The following SLC26A3 variants were observed in gnomAD, a reference collection of about 807,000 sequenced individuals.
SLC26A3 encodes the protein chloride anion exchanger.
A neutral mutation model predicts 85.6 loss-of-function variants in SLC26A3; 64 were observed. That is an observed-to-expected ratio of 0.75 (90% CI 0.61 to 0.92). The LOEUF (loss-of-function observed/expected upper bound fraction) is 0.92, where lower values mean the gene tolerates loss of function less well. Ranked by LOEUF, SLC26A3 falls within the 40% of genes least tolerant of loss-of-function variation. SLC26A3 has a pLI of 0.00. For missense variants in SLC26A3, 922 were observed against 927.3 expected (o/e 0.99, Z 0.07); for synonymous variants, 349 against 336.0 (o/e 1.04, Z -0.42).
intron 8 of SLC26A3, 102 bp downstream of exon 8, chr7:107,786,725 G>T: frequency 2.1e-6 from 2 of 958,928 alleles, no homozygotes; most frequent in Non-Finnish European, 3.4e-6. Context: ...TCTGATGAGG[G>T]TTACCTGCAG....
rs1287884774 is a variant in SLC26A3 at position 107,798,224 on chromosome 7, G to A, written c.-88-3627C>T. Among the ~76,000 whole-genome samples, 6 of 150,272 alleles carry A rather than the reference G, an allele frequency of 4.0e-5. No individual in the cohort carries two copies. In the East Asian group the frequency reaches 9.7e-4, roughly 24 times the overall value. On this transcript the variant is annotated intron_variant, in intron 1 of 20. Coordinates refer to ENST00000340010, the MANE Select transcript of SLC26A3 (RefSeq NM_000111.3). ...TTGGTGCTGTGGCTTAGTCATACAC[G>A]TTGTTGTTCTCTGCTTTTTTTTTTT... is the stretch of plus-strand genomic sequence containing the variant.
At chr7:107,781,433 C>A (rs1263088035) in intron 11 of SLC26A3, among the ~76,000 whole-genome samples, 1 of 152,086 alleles carries the variant, frequency 6.6e-6, no homozygotes, top group Admixed American at 6.6e-5. Flanking sequence ...TTGATTAAAT[C>A]TTGGACAAGA....
intron 18 of SLC26A3, 51 bp from the exon 19 acceptor site, chr7:107,767,959 C>G (rs368667815): frequency 1.3e-6 from 2 of 1,569,194 alleles, no homozygotes; most frequent in Admixed American, 3.4e-5. Flanking sequence ...GTTTGGCTAC[C>G]GGTTTCCCCT....
At chr7:107,766,915 C>G (rs984019552) in intron 20 of SLC26A3, among the ~76,000 whole-genome samples, 2 of 150,558 alleles carry the variant, frequency 1.3e-5, no homozygotes, top group Non-Finnish European at 3.0e-5. Flanking sequence ...AAGATATCTT[C>G]TTTGTATATT....
chr7:107,800,849 C>A (rs1194819205), intron 1 of SLC26A3, among the ~76,000 whole-genome samples: 2 of 152,202 alleles, frequency 1.3e-5, no homozygotes, highest in African/African-American at 4.8e-5. Context: ...TTGTGTTAGA[C>A]TTTAAAGAAC....
chr7:107,778,393 C>A (rs367909040), intron 12 of SLC26A3, 112 bp from the exon 13 acceptor site: 66 of 620,652 alleles, frequency 1.1e-4, no homozygotes, highest in Admixed American at 7.3e-4. Context: ...GACAGTGAGA[C>A]CTTGTCCCTA....
At position 107,787,399 on chromosome 7, in the gene SLC26A3, G is replaced by A; in HGVS notation, c.846C>T (p.Phe282=). 1 of 1,614,030 alleles carries A rather than the reference G, an allele frequency of 6.2e-7. No individual in the cohort carries two copies. Among genetic ancestry groups the A allele is most frequent in the South Asian group, 1.1e-5 (1 of 91,074 alleles). ...VSIVKEINQR[F]KDKLPVPIPI... ...GAATGGGCACTGGAAGTTTGTCTTT[G>A]AAGCGCTGATTTATTTCTTTAACAA... The change falls in exon 7 of 21, where the codon TTC becomes TTT. Residue 282 remains phenylalanine (F), a synonymous_variant. Coordinates refer to ENST00000340010, the MANE Select transcript of SLC26A3 (RefSeq NM_000111.3).
At position 107,793,780 on chromosome 7, in the gene SLC26A3, A is replaced by G. The variant is rs1402332826; in HGVS notation, c.233T>C (p.Val78Ala). ...CACAATCCCTGTGCTGATACCAGAA[A>G]CAATATCACTGAGCAACCATTCTTT... ...RLKEWLLSDIVSGISTGIVAV... is the reference protein window; with the variant it reads ...RLKEWLLSDIASGISTGIVAV... The change falls in exon 3 of 21, where the codon GTT (valine) becomes GCT (alanine). Residue 78 changes from valine to alanine, a missense_variant. By Grantham distance (64) the Val-to-Ala change is moderately conservative. Coordinates refer to ENST00000340010, the MANE Select transcript of SLC26A3 (RefSeq NM_000111.3). 1 of 1,614,154 alleles carries G rather than the reference A, an allele frequency of 6.2e-7. No individual in the cohort carries two copies. Among genetic ancestry groups the G allele is most frequent in the South Asian group, 1.1e-5 (1 of 91,084 alleles).
chr7:107,782,135 C>A (rs1227140020), intron 11 of SLC26A3, among the ~76,000 whole-genome samples: 1 of 152,150 alleles, frequency 6.6e-6, no homozygotes, highest in Non-Finnish European at 1.5e-5. Context: ...CATGTACCAC[C>A]TCAAAATTAT....
intron 17 of SLC26A3, 84 bp from the exon 18 acceptor site, chr7:107,772,192 C>G: frequency 1.3e-6 from 1 of 791,402 alleles, no homozygotes; most frequent in Non-Finnish European, 2.2e-6. Flanking sequence ...TTATACCTTA[C>G]GGGTGATATA....
intron 4 of SLC26A3, among the ~76,000 whole-genome samples, chr7:107,791,625 A>AAAATAAATAAAT (rs3076033): frequency 1.3e-4 from 19 of 149,344 alleles, no homozygotes; most frequent in Admixed American, 5.3e-4. Flanking sequence ...AAAATAAATA[A>AAAATAAATAAAT]AAATAAATAA....
At position 107,793,766 on chromosome 7, in the gene SLC26A3, T is replaced by C. The variant is rs778461830; in HGVS notation, c.247A>G (p.Thr83Ala). 1 of 1,614,080 alleles carries C rather than the reference T, an allele frequency of 6.2e-7. No homozygotes were observed. The highest frequency in any genetic ancestry group is 8.5e-7 in the Non-Finnish European group (1 of 1,179,972). Reference sequence around the variant, plus strand: ...CCTTGTAGTACGGCCACAATCCCTGTGCTGATACCAGAAACAATATCACTG... The same window carrying C: ...CCTTGTAGTACGGCCACAATCCCTGCGCTGATACCAGAAACAATATCACTG... Reference protein sequence around the residue: ...LLSDIVSGISTGIVAVLQGLA... With the variant: ...LLSDIVSGISAGIVAVLQGLA... The change falls in exon 3 of 21, where the codon ACA (threonine) becomes GCA (alanine). Residue 83 changes from threonine to alanine, a missense_variant. Physicochemically the swap from Thr to Ala is moderately conservative, Grantham distance 58 (BLOSUM62 0). Coordinates refer to ENST00000340010, the MANE Select transcript of SLC26A3 (RefSeq NM_000111.3).
At chr7:107,769,431 G>T (rs1388138697) in intron 18 of SLC26A3, among the ~76,000 whole-genome samples, 3 of 152,050 alleles carry the variant, frequency 2.0e-5, no homozygotes, top group African/African-American at 7.3e-5. Flanking sequence ...TCCTTTGCAG[G>T]TACATGGAGT....
chr7:107,786,023 A>G (rs1794288963), intron 8 of SLC26A3, among the ~76,000 whole-genome samples: 1 of 152,212 alleles, frequency 6.6e-6, no homozygotes, highest in Admixed American at 6.5e-5. Flanking sequence ...GTAATGAAAT[A>G]CATTTTAAAA....
rs893646478 is a variant in SLC26A3 at position 107,786,900 on chromosome 7, C to T, written c.898G>A (p.Ala300Thr). The change falls in exon 8 of 21, where the codon GCA becomes ACA. Residue 300 changes from alanine to threonine, a missense_variant. Ala to Thr is a moderately conservative substitution (Grantham distance 58). Coordinates refer to ENST00000340010, the MANE Select transcript of SLC26A3 (RefSeq NM_000111.3). ...IPIEFIMTVI[A>T]AGVSYGCDFK... ...TCACAGCCGTAGGATACACCTGCTGCAATCACGGTCTGCAAAGTTGCAAAT... is the reference window on the plus strand; with the variant it reads ...TCACAGCCGTAGGATACACCTGCTGTAATCACGGTCTGCAAAGTTGCAAAT... 3.7e-6 allele frequency: 6 copies of T among 1,613,896 alleles called. 1 individual carries two copies. Among genetic ancestry groups the T allele is most frequent in the Admixed American group, 3.3e-5 (2 of 60,026 alleles).
chr7:107,789,466 A>G, intron 6 of SLC26A3, 58 bp downstream of exon 6: 1 of 1,531,598 alleles, frequency 6.5e-7, no homozygotes, highest in Non-Finnish European at 9.0e-7. Context: ...AAGCTCTCTA[A>G]AAACACAGTA....
chr7:107,774,199 A>G (rs1425729335), intron 16 of SLC26A3, 46 bp from the exon 17 acceptor site: 3 of 1,420,678 alleles, frequency 2.1e-6, no homozygotes, highest in African/African-American at 1.4e-5. Context: ...CAAGAAAAAC[A>G]TTGTGTATGT....
chr7:107,775,238 T>C (rs1794091380), intron 15 of SLC26A3, among the ~76,000 whole-genome samples: 2 of 152,344 alleles, frequency 1.3e-5, no homozygotes, highest in South Asian at 4.1e-4. Flanking sequence ...TGCACCTACA[T>C]AAGTATTCTG....
rs1172159614 is a variant in SLC26A3 at position 107,776,446 on chromosome 7, C to T, written c.1677+6G>A. 1.2e-6 allele frequency: 2 copies of T among 1,607,706 alleles called. No homozygotes were observed. Among genetic ancestry groups the T allele is most frequent in the Non-Finnish European group, 1.7e-6 (2 of 1,174,226 alleles). Reference sequence around the variant, plus strand: ...AGGAAAAAAATTAAATAACCCCAAACCTTACAGCATCGATAAGTTTCCGCC... The same window carrying T: ...AGGAAAAAAATTAAATAACCCCAAATCTTACAGCATCGATAAGTTTCCGCC... On this transcript the variant is annotated splice_donor_region_variant and intron_variant, in intron 15 of 20. Transcript: ENST00000340010.
Sources: gnomAD v4.1 joint callset for allele counts (sites outside exome capture counted in the v4.1 genomes callset) on GRCh38, gnomAD v4.1.1 for gene constraint, MANE v1.5 for transcripts, NCBI Gene and HGNC (gene_info 2026-07-23, HGNC 2026-07-21) for gene names.